Variants in ADAMTS10 observed in about 807,000 individuals in gnomAD.
The protein encoded by ADAMTS10 is A disintegrin and metalloproteinase with thrombospondin motifs 10.
A neutral mutation model predicts 135.9 loss-of-function variants in ADAMTS10; 48 were observed. The ratio of observed to expected loss-of-function variants is 0.35; its 90% CI spans 0.28 to 0.45. The LOEUF (loss-of-function observed/expected upper bound fraction) is 0.45, where lower values mean the gene tolerates loss of function less well. Ranked by LOEUF, ADAMTS10 falls within the 20% of genes least tolerant of loss-of-function variation. ADAMTS10 has a pLI of 1.00. For synonymous variants in ADAMTS10, 621 were observed against 647.5 expected (o/e 0.96, Z 0.62); for missense variants, 1,131 against 1,565.2 (o/e 0.72, Z 4.68).
intron 25 of ADAMTS10, among the ~76,000 whole-genome samples, chr19:8,583,852 G>A (rs567646462): frequency 7.0e-4 from 103 of 147,110 alleles, no homozygotes; most frequent in African/African-American, 2.5e-3. Flanking sequence ...GTGAGTCCCG[G>A]TCTCAAAAAT....
At chr19:8,607,547 T>C (rs1275024376) in intron 2 of ADAMTS10, among the ~76,000 whole-genome samples, 3 of 152,150 alleles carry the variant, frequency 2.0e-5, no homozygotes, top group Non-Finnish European at 2.9e-5. Context: ...CTGTGCAAAA[T>C]CCCTTAATCA....
Position 8,584,864 on chromosome 19 carries a change from C to A in ADAMTS10, c.3202+31G>T, listed in dbSNP as rs782672084. On this transcript the variant is annotated intron_variant, in intron 25 of 25. Coordinates refer to ENST00000597188, the MANE Select transcript of ADAMTS10 (RefSeq NM_030957.4). ...TGTGGCTGCCTCTGGCCAGGACCCT[C>A]CTGGCGCACCCTGGCTGGTCACCCA... The A allele has an allele frequency of 3.0e-4, 465 of 1,547,876 alleles. 1 individual carries two copies. Among genetic ancestry groups the A allele is most frequent in the Middle Eastern group, 5.7e-4 (3 of 5,272 alleles).
chr19:8,586,202 C>G lies in ADAMTS10; in HGVS notation c.2580G>C (p.Ala860=). Residue 860 remains alanine (A), a synonymous_variant, in exon 22 of 26, where the codon GCG becomes GCC. Coordinates refer to ENST00000597188, the MANE Select transcript of ADAMTS10 (RefSeq NM_030957.4). ...GGGCACTGCAGTAGTGGGGGGCGAC[C>G]GCGGAGCTGTCCAGCTGGTTGCGGC... The part of the protein sequence containing the change: ...VECRNQLDSS[A]VAPHYCSAHS... 1 of 1,612,850 alleles carries G rather than the reference C, an allele frequency of 6.2e-7. No homozygotes were observed.
At chr19:8,603,598 G>T in intron 5 of ADAMTS10, 130 bp downstream of exon 5, 3 of 1,369,222 alleles carry the variant, frequency 2.2e-6, no homozygotes, top group Non-Finnish European at 2.0e-6. Context: ...ATATCACTGT[G>T]TCCCCTTCTC....
At chr19:8,586,095 G>T in intron 22 of ADAMTS10, 27 bp downstream of exon 22, 1 of 1,612,128 alleles carries the variant, frequency 6.2e-7, no homozygotes. Context: ...CTCACCCTGA[G>T]CAACACTGCC....
At chr19:8,606,780 G>T (rs1396508444) in intron 2 of ADAMTS10, among the ~76,000 whole-genome samples, 1 of 152,216 alleles carries the variant, frequency 6.6e-6, no homozygotes, top group African/African-American at 2.4e-5. Context: ...GGTGGACGGG[G>T]GCATGACAGC....
chr19:8,604,622 C>T (rs973573323), intron 4 of ADAMTS10, among the ~76,000 whole-genome samples: 2 of 151,758 alleles, frequency 1.3e-5, no homozygotes, highest in African/African-American at 4.8e-5. Context: ...GCTAGGATTA[C>T]ATACACATAC....
Position 8,597,278 on chromosome 19 carries a change from C to G in ADAMTS10, c.850G>C (p.Val284Leu). 6.2e-6 allele frequency: 10 copies of G among 1,614,116 alleles called. No homozygotes were observed. Among genetic ancestry groups the G allele is most frequent in the Non-Finnish European group, 8.5e-6 (10 of 1,180,030 alleles). ...LFQDSSLGST[V>L]NILVTRLILL... ...ATGAGGCGAGTTACGAGGATGTTAACGGTGCTTCCCAGACTCGAGTCCTGG... is the reference window on the plus strand; with the variant it reads ...ATGAGGCGAGTTACGAGGATGTTAAGGGTGCTTCCCAGACTCGAGTCCTGG... Residue 284 changes from valine to leucine, a missense_variant, in exon 7 of 26, where the codon GTT becomes CTT. Physicochemically the swap from Val to Leu is conservative, Grantham distance 32. Coordinates refer to ENST00000597188, the MANE Select transcript of ADAMTS10 (RefSeq NM_030957.4).
chr19:8,590,057 C>A (rs1555738565), intron 15 of ADAMTS10, 66 bp from the exon 16 acceptor site: 2 of 1,171,944 alleles, frequency 1.7e-6, no homozygotes, highest in African/African-American at 3.0e-5. Flanking sequence ...AAAAGGGGTG[C>A]TCAGAGAAAG....
chr19:8,610,566 C>T (rs1328744559), intron 1 of ADAMTS10, 78 bp downstream of exon 1: 6 of 152,010 alleles, frequency 3.9e-5, no homozygotes, highest in Admixed American at 3.9e-4. Flanking sequence ...ACCACAGCCC[C>T]ACGCCCTCAC....
intron 21 of ADAMTS10, 24 bp from the exon 22 acceptor site, chr19:8,586,275 G>C (rs782600400): frequency 6.2e-7 from 1 of 1,613,162 alleles, no homozygotes; most frequent in South Asian, 1.1e-5. Flanking sequence ...TGAGAGGCCT[G>C]CTCAGCCCCT....
intron 22 of ADAMTS10, 76 bp downstream of exon 22, chr19:8,586,046 C>A (rs139754132): frequency 5.8e-5 from 94 of 1,608,052 alleles, no homozygotes; most frequent in Non-Finnish European, 7.6e-5. Flanking sequence ...TCCCCACCCC[C>A]CTGGAGCACT....
rs562601176 is a variant in ADAMTS10 at position 8,582,315 on chromosome 19, A to G, written c.3203-1313T>C. ...AAACCCCGTCTCTACTAAAAATACA[A>G]AAATTAGCCGGGCGTGGTGGCAGGC... On this transcript the variant is annotated intron_variant, in intron 25 of 25. Transcript: ENST00000597188. Among the ~76,000 whole-genome samples the G allele has an allele frequency of 4.4e-3, 674 of 151,702 alleles. 2 individuals carry two copies. Among genetic ancestry groups the G allele is most frequent in the Non-Finnish European group, 8.0e-3 (546 of 67,870 alleles).
chr19:8,586,419 T>TGGG lies in ADAMTS10; in HGVS notation c.2452_2454dup (p.Pro818dup). On this transcript the variant is annotated inframe_insertion, in exon 21 of 26. Coordinates refer to ENST00000597188, the MANE Select transcript of ADAMTS10 (RefSeq NM_030957.4). ...TAGGGGGGCAGCGAGTCACGGGCGA[T>TGGG]GGGGGCATTGAAGCGGTAGCGGAGG... The TGGG allele has an allele frequency of 6.2e-7, 1 of 1,613,762 alleles. No homozygotes were observed. The highest frequency in any genetic ancestry group is 8.5e-7 in the Non-Finnish European group (1 of 1,179,964).
rs2042429770 is a variant in ADAMTS10, at chr19:8,586,343, C to T, written c.2530+1G>A. 6.2e-7 allele frequency: 1 copy of T among 1,613,600 alleles called. No individual in the cohort carries two copies. Among genetic ancestry groups the T allele is most frequent in the Non-Finnish European group, 8.5e-7 (1 of 1,179,944 alleles). Reference sequence around the variant, plus strand: ...GTGCCTTCCCCCACCCCCGGCCTCACCGCCTGCACACTGGGCCGAGCACTT... The same window carrying T: ...GTGCCTTCCCCCACCCCCGGCCTCATCGCCTGCACACTGGGCCGAGCACTT... On this transcript the variant is annotated splice_donor_variant, in intron 21 of 25. Coordinates refer to ENST00000597188, the MANE Select transcript of ADAMTS10 (RefSeq NM_030957.4). LOFTEE classifies it high-confidence loss of function.
chr19:8,585,470 G>T lies in ADAMTS10; in HGVS notation c.2851C>A (p.Leu951Ile). ...GPTCPPEWAA[L>I]DWSECTPSCG... ...GGGCGGCTGACCTCAGACCAGTCGA[G>T]GGCCGCCCACTCCGGAGGGCAAGTG... Residue 951 changes from leucine to isoleucine, a missense_variant, in exon 23 of 26, where the codon CTC becomes ATC. Leu to Ile is a conservative substitution (Grantham distance 5, BLOSUM62 2). Around this residue, in one of 3 missense-constraint regions of ADAMTS10, gnomAD observed 745 missense variants for 1,056.3 expected, o/e 0.71. Coordinates refer to ENST00000597188, the MANE Select transcript of ADAMTS10 (RefSeq NM_030957.4). The T allele has an allele frequency of 6.5e-7, 1 of 1,536,320 alleles. No individual in the cohort carries two copies.
rs2042716821 is a variant in ADAMTS10 at position 8,605,852 on chromosome 19, T to C, written c.-99-43A>G. Reference sequence around the variant, plus strand: ...GGTAAGGGGGCGCCTGGTCCCGCTGTCCAGCACAACCAATGCCAAGGCCAA... The same window carrying C: ...GGTAAGGGGGCGCCTGGTCCCGCTGCCCAGCACAACCAATGCCAAGGCCAA... On this transcript the variant is annotated intron_variant, in intron 2 of 25. Coordinates refer to ENST00000597188, the MANE Select transcript of ADAMTS10 (RefSeq NM_030957.4). The surrounding 1 kb of genome is among the most constrained non-coding windows in gnomAD (Gnocchi z 7.7). The C allele has an allele frequency of 6.9e-7, 1 of 1,459,798 alleles. No individual in the cohort carries two copies. The highest frequency in any genetic ancestry group is 9.0e-7 in the Non-Finnish European group (1 of 1,108,300). The allele number at this position is 1,459,798 out of a possible 1,614,324, so 90.4% of individuals were successfully genotyped here.
In ADAMTS10 at chr19:8,592,115, G is replaced by T. The variant is rs1447088641; in HGVS notation, c.1588-12C>A. ...CGTTTGTAGCACCACTGGGTGGGGGGAGACAGGAAGGAGTGAGTCCAGCCC... is the reference window on the plus strand; with the variant it reads ...CGTTTGTAGCACCACTGGGTGGGGGTAGACAGGAAGGAGTGAGTCCAGCCC... On this transcript the variant is annotated splice_polypyrimidine_tract_variant and intron_variant, in intron 13 of 25. Transcript: ENST00000597188. 3.1e-6 allele frequency: 5 copies of T among 1,613,490 alleles called. No homozygotes were observed. In the East Asian group the frequency reaches 6.7e-5, roughly 22 times the overall value.
intron 15 of ADAMTS10, among the ~76,000 whole-genome samples, chr19:8,591,527 C>T (rs1260201173): frequency 4.0e-5 from 6 of 151,400 alleles, no homozygotes; most frequent in African/African-American, 9.7e-5. Context: ...CTGCAGCCTC[C>T]GCCTCCCGGG....
Sources: gnomAD v4.1 joint callset for allele counts (sites outside exome capture counted in the v4.1 genomes callset) on GRCh38, gnomAD v4.1.1 for gene constraint, gnomAD v4.1.1 regional missense constraint, Gnocchi (gnomAD v3.1) non-coding constraint, MANE v1.5 for transcripts, NCBI Gene and HGNC (gene_info 2026-07-23, HGNC 2026-07-21) for gene names.